Variants in TTC19 observed in about 807,000 individuals in gnomAD.
TTC19 encodes the protein tetratricopeptide repeat domain 19.
A neutral mutation model predicts 49.5 loss-of-function variants in TTC19; 38 were observed. The observed-to-expected ratio is 0.77, with a 90% CI of 0.59 to 1.01. TTC19 has a LOEUF of 1.01. Among genes scored for constraint, TTC19 ranks in the 50% least tolerant of loss-of-function variants. The probability of loss-of-function intolerance (pLI) is 0.00; values close to 1 mark genes in which losing one functional copy is unlikely to be tolerated. For synonymous variants in TTC19, 204 were observed against 185.2 expected, an observed-to-expected ratio of 1.10 and a Z score of -0.83; for missense variants, 475 against 477.7, an observed-to-expected ratio of 0.99 and a Z score of 0.05.
chr17:16,016,234 G>T (rs116649492), intron 7 of TTC19, among the ~76,000 whole-genome samples: 2,737 of 152,074 alleles, frequency 0.018, 80 homozygotes, highest in African/African-American at 0.062. Context: ...TTCCAATTTT[G>T]GGGGGGATTT....
At chr17:16,020,066 G>A (rs908926732) in intron 7 of TTC19, among the ~76,000 whole-genome samples, 4 of 151,902 alleles carry the variant, frequency 2.6e-5, no homozygotes, top group African/African-American at 9.7e-5. Context: ...GGAAGGCAGA[G>A]GTTGTAATGA....
chr17:16,001,633 G>A (rs1364820137), intron 2 of TTC19, among the ~76,000 whole-genome samples: 2 of 152,172 alleles, frequency 1.3e-5, no homozygotes, highest in South Asian at 2.1e-4. Flanking sequence ...GAGGATGGAG[G>A]ACAAGCAGCT....
chr17:16,003,719 T>A lies in TTC19; in HGVS notation c.463-112T>A, dbSNP rs551481206. 5.2e-4 allele frequency: 496 copies of A among 951,012 alleles called. 5 individuals are homozygous for A. In the South Asian group the frequency reaches 6.7e-3, roughly 13 times the overall value. 58.9% of individuals were successfully genotyped at this position (951,012 alleles called of 1,614,324 possible). A position where few individuals can be genotyped will look rare whatever the true frequency, so the allele number is the denominator to read the frequency against. On this transcript the variant is annotated intron_variant, in intron 4 of 9. Coordinates refer to ENST00000261647, the MANE Select transcript of TTC19 (RefSeq NM_017775.4). ...GTGTGAGTGTGCGTGTGTGTGGGTA[T>A]ATGGGTTTTACAAGGAATGTTGCAT...
rs889959235 is a variant in TTC19 at position 16,020,037 on chromosome 17, T to C, written c.677-4980T>C. On this transcript the variant is annotated intron_variant, in intron 7 of 9. Transcript: ENST00000261647. ...CCCAACTACTTGGGAGGCTGAGGCATGCGAATCGCTTAAACCCAGGAAGGC... is the reference window on the plus strand; with the variant it reads ...CCCAACTACTTGGGAGGCTGAGGCACGCGAATCGCTTAAACCCAGGAAGGC... 4.6e-5 allele frequency among the ~76,000 whole-genome samples: 7 copies of C among 150,782 alleles called. No individual in the cohort carries two copies. In the South Asian group the frequency reaches 1.3e-3, roughly 27 times the overall value.
At chr17:16,019,012 C>T (rs1002011443) in intron 7 of TTC19, among the ~76,000 whole-genome samples, 6 of 152,124 alleles carry the variant, frequency 3.9e-5, no homozygotes, top group Non-Finnish European at 8.8e-5. Context: ...GTTTTGTTTG[C>T]CTACTTATTG....
chr17:16,044,489 C>T (rs1004252294), intron 2 of TTC19: 3 of 476,686 alleles, frequency 6.3e-6, no homozygotes, highest in African/African-American at 6.0e-5. Context: ...TAAAGCAGAT[C>T]GTCCTTTCCT....
chr17:16,043,182 AG>A (rs2058054985), intron 2 of TTC19, among the ~76,000 whole-genome samples: 1 of 152,338 alleles, frequency 6.6e-6, no homozygotes, highest in South Asian at 2.1e-4. Flanking sequence ...GATCCAATAA[AG>A]TAAGTTTTAA....
intron 6 of TTC19, among the ~76,000 whole-genome samples, chr17:16,005,440 C>T (rs1000196543): frequency 1.3e-5 from 2 of 152,162 alleles, no homozygotes; most frequent in African/African-American, 4.8e-5. Context: ...TCTCCCCTGG[C>T]AAAGCACTAG....
rs1213975716 is a variant in TTC19, at chr17:16,027,836, G to A, written c.*314G>A. The A allele has an allele frequency of 1.2e-5, 6 of 489,706 alleles. No individual in the cohort carries two copies. The highest frequency in any genetic ancestry group is 2.4e-5 in the Non-Finnish European group (6 of 249,474). 30.3% of individuals were successfully genotyped at this position (489,706 alleles called of 1,614,324 possible). A position where few individuals can be genotyped will look rare whatever the true frequency, so the allele number is the denominator to read the frequency against. The stretch of plus-strand genomic sequence containing the variant: ...TTCATATGGGCTGGTGTTCCTGTGC[G>A]CTGTGGGTGTGGTGATTCAGCCTGG... On this transcript the variant is annotated 3_prime_UTR_variant, in exon 10 of 10. Transcript: ENST00000261647.
intron 7 of TTC19, among the ~76,000 whole-genome samples, chr17:16,014,472 T>G (rs1278487907): frequency 1.3e-5 from 2 of 152,276 alleles, no homozygotes; most frequent in Non-Finnish European, 2.9e-5. Flanking sequence ...AGCTATTTAT[T>G]AAATTTGATT....
intron 3 of TTC19, 147 bp from the exon 4 acceptor site, chr17:16,002,643 GCTT>G (rs764424382): frequency 2.2e-5 from 16 of 739,394 alleles, no homozygotes; most frequent in Non-Finnish European, 3.9e-5. Flanking sequence ...GCTGTCCTGT[GCTT>G]CTTCTTGCAG....
In TTC19 at chr17:16,000,194, C is replaced by T. The variant is rs1970676092; in HGVS notation, c.261C>T (p.Asp87=). 2 of 1,593,750 alleles carry T rather than the reference C, an allele frequency of 1.3e-6. No individual in the cohort carries two copies. The highest frequency in any genetic ancestry group is 2.2e-5 in the South Asian group (2 of 90,712). The change falls in exon 2 of 10, where the codon GAC becomes GAT. Residue 87 remains aspartate (D), a synonymous_variant. Transcript: ENST00000261647. ...QQGADGAAAE[D]GADEAEAEII... The stretch of plus-strand genomic sequence containing the variant: ...GAGCCGACGGGGCCGCTGCCGAGGA[C>T]GGGGCGGACGAGGCCGAGGCAGAGA...
downstream of TTC19, among the ~76,000 whole-genome samples, chr17:16,033,336 C>CAAAAAAAA (rs59285422): frequency 7.0e-4 from 40 of 57,408 alleles, no homozygotes; most frequent in African/African-American, 2.1e-3. Flanking sequence ...ACTCCGTCTC[C>CAAAAAAAA]AAAAAAAAAA....
At chr17:16,044,922 G>T in exon 3 of TTC19, 1 of 665,154 alleles carries the variant, frequency 1.5e-6, no homozygotes, top group South Asian at 1.5e-5. Flanking sequence ...AGAATCTGAG[G>T]AGTCTGATGA....
intron 7 of TTC19, chr17:16,024,202 T>TAG (rs1971473034): frequency 6.6e-6 from 1 of 152,214 alleles, no homozygotes; most frequent in Non-Finnish European, 1.5e-5. Context: ...GTATAGTCAA[T>TAG]TCTTGAATGT....
At chr17:16,039,131 T>A in intron 2 of TTC19, 1 of 264,188 alleles carries the variant, frequency 3.8e-6, no homozygotes, top group Non-Finnish European at 7.3e-6. Context: ...TTCAAAAACA[T>A]TATATTTGTG....
chr17:16,034,925 C>T, intron 2 of TTC19: 5 of 1,613,902 alleles, frequency 3.1e-6, no homozygotes, highest in Non-Finnish European at 3.4e-6. Flanking sequence ...TGCTGATCAG[C>T]TTTGGTTTGC....
Position 16,000,448 on chromosome 17 carries a change from C to T in TTC19, c.312+203C>T, listed in dbSNP as rs1970689867. 2.8e-5 allele frequency: 40 copies of T among 1,403,636 alleles called. No homozygotes were observed. The Middle Eastern group carries it at 1.1e-3, about 37-fold the overall frequency. 86.9% of individuals were successfully genotyped at this position (1,403,636 alleles called of 1,614,324 possible). A position where few individuals can be genotyped will look rare whatever the true frequency, so the allele number is the denominator to read the frequency against. On this transcript the variant is annotated intron_variant, in intron 2 of 9. Coordinates refer to ENST00000261647, the MANE Select transcript of TTC19 (RefSeq NM_017775.4). Reference sequence around the variant, plus strand: ...TCCGACTCTAAGGCCTGCAGTAAAACCTCTGCAGTGTCAAGTGCAAATGGA... The same window carrying T: ...TCCGACTCTAAGGCCTGCAGTAAAATCTCTGCAGTGTCAAGTGCAAATGGA...
intron 2 of TTC19, chr17:16,035,027 T>A: frequency 7.4e-7 from 1 of 1,342,954 alleles, no homozygotes. Flanking sequence ...TATTGCTAAA[T>A]GAAAAAAAAG....
Sources: gnomAD v4.1 joint callset for allele counts (sites outside exome capture counted in the v4.1 genomes callset) on GRCh38, gnomAD v4.1.1 for gene constraint, MANE v1.5 for transcripts, NCBI Gene and HGNC (gene_info 2026-07-23, HGNC 2026-07-21) for gene names.